The following BTBD9 variants were observed in gnomAD, a reference collection of about 807,000 sequenced individuals.
BTBD9 encodes the protein BTB domain containing 9.
Under a neutral mutation model 64.3 loss-of-function variants are expected in BTBD9, and 49 were observed. The observed-to-expected ratio is 0.76, with a 90% confidence interval of 0.61 to 0.97. The LOEUF is 0.97. Ranked by LOEUF, BTBD9 falls within the 50% of genes least tolerant of loss-of-function variation. BTBD9 has a pLI of 0.00. For missense variants in BTBD9, 598 were observed against 762.1 expected, an observed-to-expected ratio of 0.78 and a Z score of 2.53; for synonymous variants, 260 against 274.7, an observed-to-expected ratio of 0.95 and a Z score of 0.53.
chr6:38,406,551 T>C (rs1055694717), intron 6 of BTBD9, among the ~76,000 whole-genome samples: 5 of 152,134 alleles, frequency 3.3e-5, no homozygotes, highest in African/African-American at 9.7e-5. Flanking sequence ...ACTAGAAGAA[T>C]TGGAAAAATA....
chr6:38,593,932 G>A (rs960347150), intron 3 of BTBD9, 32 bp downstream of exon 3: 2 of 1,550,208 alleles, frequency 1.3e-6, no homozygotes, highest in Non-Finnish European at 1.8e-6. Flanking sequence ...AACAATGCAT[G>A]CCTATAAATT....
chr6:38,337,640 A>G (rs997807582), intron 7 of BTBD9, among the ~76,000 whole-genome samples: 2 of 152,092 alleles, frequency 1.3e-5, no homozygotes, highest in African/African-American at 4.8e-5. Context: ...TCTCCACTCC[A>G]CTTATTTCCA....
At position 38,169,784 on chromosome 6, in the gene BTBD9, C is replaced by T. The variant is rs1337939651; in HGVS notation, c.*5201G>A. ...CCCCCTCCCCCCCGCCCATTCAGGG[C>T]TATAAATACTCACGGACGCAAATGG... On this transcript the variant is annotated 3_prime_UTR_variant, in exon 11 of 11. Transcript: ENST00000481247. 7.5e-6 allele frequency: 1 copy of T among 134,136 alleles called. No homozygotes were observed. The highest frequency in any genetic ancestry group is 1.6e-5 in the Non-Finnish European group (1 of 64,304). The allele number at this position is 134,136 out of a possible 1,614,324, so 8.3% of individuals were successfully genotyped here.
At chr6:38,246,153 C>G (rs1327068368) in intron 9 of BTBD9, among the ~76,000 whole-genome samples, 1 of 152,190 alleles carries the variant, frequency 6.6e-6, no homozygotes, top group Non-Finnish European at 1.5e-5. Flanking sequence ...AATTCACATA[C>G]TTAGCATCAA....
At chr6:38,599,659 T>C (rs1023449365) in intron 1 of BTBD9, among the ~76,000 whole-genome samples, 1 of 152,204 alleles carries the variant, frequency 6.6e-6, no homozygotes, top group Non-Finnish European at 1.5e-5. Flanking sequence ...TGAACCACAA[T>C]TAAAGGTTGA....
At chr6:38,310,298 TGA>T (rs1762780511) in intron 7 of BTBD9, among the ~76,000 whole-genome samples, 1 of 152,088 alleles carries the variant, frequency 6.6e-6, no homozygotes, top group South Asian at 2.1e-4. Context: ...GGCAAATCCC[TGA>T]GTGTGAAGGA....
chr6:38,471,218 G>A (rs1047403560), intron 6 of BTBD9, among the ~76,000 whole-genome samples: 3 of 152,138 alleles, frequency 2.0e-5, no homozygotes, highest in Non-Finnish European at 4.4e-5. Flanking sequence ...TAAAAGCTCA[G>A]CTCTGGGTGA....
At chr6:38,230,028 C>T (rs1474913728) in intron 9 of BTBD9, among the ~76,000 whole-genome samples, 1 of 152,188 alleles carries the variant, frequency 6.6e-6, no homozygotes, top group East Asian at 1.9e-4. Flanking sequence ...TCCATTCTAC[C>T]AGCAATACAT....
At chr6:38,238,772 C>T (rs756802374) in intron 9 of BTBD9, among the ~76,000 whole-genome samples, 29 of 152,056 alleles carry the variant, frequency 1.9e-4, no homozygotes, top group Non-Finnish European at 2.8e-4. Flanking sequence ...CGCGCCTGGC[C>T]GAGACCAATG....
chr6:38,279,748 G>C (rs1761437868), intron 8 of BTBD9, among the ~76,000 whole-genome samples: 1 of 152,082 alleles, frequency 6.6e-6, no homozygotes. Flanking sequence ...ATCACTACCG[G>C]TGAAGTATTT....
intron 6 of BTBD9, among the ~76,000 whole-genome samples, chr6:38,405,004 A>T (rs1297435457): frequency 6.6e-6 from 1 of 152,200 alleles, no homozygotes; most frequent in Non-Finnish European, 1.5e-5. Context: ...GCTTATTGTC[A>T]ATCGTTATGA....
intron 1 of BTBD9, among the ~76,000 whole-genome samples, chr6:38,599,513 A>G (rs1396326413): frequency 1.3e-5 from 2 of 152,238 alleles, no homozygotes; most frequent in African/African-American, 4.8e-5. Context: ...CTTGGCTAGC[A>G]TTCAGATGCC....
chr6:38,622,727 C>T (rs147502205), intron 1 of BTBD9, among the ~76,000 whole-genome samples: 2,649 of 152,272 alleles, frequency 0.017, 59 homozygotes, highest in African/African-American at 0.057. Flanking sequence ...CCCTGGGGCA[C>T]CTACTATCCC....
intron 7 of BTBD9, among the ~76,000 whole-genome samples, chr6:38,321,450 G>C (rs1004297157): frequency 2.6e-5 from 4 of 152,148 alleles, no homozygotes; most frequent in Admixed American, 1.3e-4. Context: ...CTGAAGAAAG[G>C]CTAACCTTTC....
intron 6 of BTBD9, among the ~76,000 whole-genome samples, chr6:38,435,473 GT>G (rs1768672215): frequency 6.6e-6 from 1 of 151,636 alleles, no homozygotes; most frequent in Admixed American, 6.6e-5. Flanking sequence ...CATGGTTAAA[GT>G]TTTGTTCTTA....
At chr6:38,553,521 T>C (rs1167964915) in intron 6 of BTBD9, among the ~76,000 whole-genome samples, 4 of 152,202 alleles carry the variant, frequency 2.6e-5, no homozygotes, top group Non-Finnish European at 4.4e-5. Flanking sequence ...TAATACTAGT[T>C]GAGGAGTGAC....
intron 10 of BTBD9, among the ~76,000 whole-genome samples, chr6:38,180,119 C>A (rs1035518802): frequency 2.0e-5 from 3 of 152,200 alleles, no homozygotes; most frequent in South Asian, 2.1e-4. Context: ...CACTCGGATG[C>A]CCATCAACAT....
At chr6:38,381,878 T>C (rs1475021526) in intron 6 of BTBD9, among the ~76,000 whole-genome samples, 1 of 151,734 alleles carries the variant, frequency 6.6e-6, no homozygotes, top group African/African-American at 2.4e-5. Context: ...AAAGAAAAAA[T>C]AAGTAATGGA....
intron 7 of BTBD9, among the ~76,000 whole-genome samples, chr6:38,291,690 T>G (rs530622722): frequency 6.2e-4 from 94 of 152,152 alleles, no homozygotes; most frequent in South Asian, 3.3e-3. Flanking sequence ...TTACTGAGAG[T>G]TTTTAGCATG....
Sources: allele counts gnomAD v4.1 joint callset (sites outside exome capture counted in the v4.1 genomes callset), GRCh38; gene constraint gnomAD v4.1.1; transcripts MANE v1.5; gene names NCBI Gene and HGNC (gene_info 2026-07-23, HGNC 2026-07-21).